Variants in ATL3 observed in about 807,000 individuals in gnomAD.
ATL3 encodes atlastin GTPase 3, also known as atlastin-3.
In ATL3, 49 loss-of-function variants were observed where a neutral mutation model predicts 69.5. The observed-to-expected ratio is 0.71, with a 90% confidence interval of 0.56 to 0.89. ATL3 has a LOEUF of 0.89. ATL3 is among the 40% of genes least tolerant of loss of function. ATL3 has a pLI of 0.00. For synonymous variants in ATL3, 214 were observed against 224.1 expected, an observed-to-expected ratio of 0.95 and a Z score of 0.40; for missense variants, 606 against 645.7, an observed-to-expected ratio of 0.94 and a Z score of 0.67.
intron 5 of ATL3, among the ~76,000 whole-genome samples, chr11:63,651,246 A>G (rs937135485): frequency 2.0e-4 from 30 of 151,984 alleles, no homozygotes; most frequent in African/African-American, 6.3e-4. Flanking sequence ...CACGAGGTCA[A>G]CAATTTGAGA....
intron 3 of ATL3, among the ~76,000 whole-genome samples, chr11:63,658,425 A>G (rs1348711789): frequency 6.6e-6 from 1 of 152,242 alleles, no homozygotes; most frequent in East Asian, 1.9e-4. Flanking sequence ...GCCCTAAGGA[A>G]TACTACATAA....
chr11:63,651,283 C>T (rs897272783), intron 5 of ATL3, among the ~76,000 whole-genome samples: 12 of 152,070 alleles, frequency 7.9e-5, no homozygotes, highest in African/African-American at 1.2e-4. Context: ...GGTGAAACCC[C>T]GTCTCTATTA....
At position 63,636,245 on chromosome 11, in the gene ATL3, A is replaced by G. The variant is rs762851508; in HGVS notation, c.940T>C (p.Ser314Pro). 49 of 1,614,020 alleles carry G rather than the reference A, an allele frequency of 3.0e-5. No individual in the cohort carries two copies. The African/African-American group carries it at 3.3e-4, about 11-fold the overall frequency. The change falls in exon 9 of 13, where the codon TCA becomes CCA. Residue 314 changes from serine to proline, a missense_variant. Coordinates refer to ENST00000398868, the MANE Select transcript of ATL3 (RefSeq NM_015459.5). The part of the protein sequence containing the change: ...SKLMEKEING[S>P]KVTCRGLLEY... The stretch of plus-strand genomic sequence containing the variant: ...AGTAGTCCCCGACAGGTGACCTTTG[A>G]GCCATTGATCTCCTTTTCCATTAAC...
chr11:63,666,821 C>T (rs1940586612), intron 1 of ATL3, among the ~76,000 whole-genome samples: 1 of 152,074 alleles, frequency 6.6e-6, no homozygotes, highest in Admixed American at 6.5e-5. Context: ...AATTATTTTC[C>T]AAGGTCTAAT....
rs1197867631 is a variant in ATL3 at position 63,659,219 on chromosome 11, A to C, written c.80T>G (p.Val27Gly). 1.2e-6 allele frequency: 2 copies of C among 1,614,192 alleles called. No homozygotes were observed. The highest frequency in any genetic ancestry group is 2.2e-5 in the South Asian group (2 of 91,084). Residue 27 changes from valine (V) to glycine (G), a missense_variant, in exon 2 of 13, where the codon GTG (valine) becomes GGG (glycine). By Grantham distance (109) the Val-to-Gly change is moderately radical. Coordinates refer to ENST00000398868, the MANE Select transcript of ATL3 (RefSeq NM_015459.5). ...ATCTTTCTGAACCAAAACAACCTGC[A>C]CTGGACCAGGCTTGCTGCTCTCCAT... Reference protein sequence around the residue: ...DAMESSKPGPVQVVLVQKDQH... With the variant: ...DAMESSKPGPGQVVLVQKDQH...
chr11:63,659,181 C>CA lies in ATL3; in HGVS notation c.117dup (p.Glu40Ter). ...CTGGCCAAGGCTTTCTCATCTAGCT[C>CA]AAAGGAATGTTGATCTTTCTGAACC... On this transcript the variant is annotated frameshift_variant, in exon 2 of 13. Coordinates refer to ENST00000398868, the MANE Select transcript of ATL3 (RefSeq NM_015459.5). LOFTEE classifies it high-confidence loss of function. 6.2e-7 allele frequency: 1 copy of CA among 1,614,010 alleles called. No homozygotes were observed. Among genetic ancestry groups the CA allele is most frequent in the Non-Finnish European group, 8.5e-7 (1 of 1,180,014 alleles).
chr11:63,631,078 C>G lies in ATL3; in HGVS notation c.1501G>C (p.Gly501Arg). Residue 501 changes from glycine to arginine, a missense_variant, in exon 12 of 13, where the codon GGA becomes CGA. Coordinates refer to ENST00000398868, the MANE Select transcript of ATL3 (RefSeq NM_015459.5). ...TATGCGGCACCAAAATCAATAGCTCCGCCCAGCTCACGATATTGACCAGAA... is the reference window on the plus strand; with the variant it reads ...TATGCGGCACCAAAATCAATAGCTCGGCCCAGCTCACGATATTGACCAGAA... ...RYSGQYRELG[G>R]AIDFGAAYVL... 6.2e-7 allele frequency: 1 copy of G among 1,613,802 alleles called. No homozygotes were observed. The highest frequency in any genetic ancestry group is 1.1e-5 in the South Asian group (1 of 91,028).
intron 1 of ATL3, among the ~76,000 whole-genome samples, chr11:63,662,167 C>A (rs539488244): frequency 2.4e-4 from 35 of 146,350 alleles, no homozygotes; most frequent in African/African-American, 7.6e-4. Flanking sequence ...GAGCCAAGAC[C>A]GTGCCACTGC....
chr11:63,651,997 A>G lies in ATL3; in HGVS notation c.511-11T>C, dbSNP rs499942. On this transcript the variant is annotated splice_polypyrimidine_tract_variant and intron_variant, in intron 4 of 12. Coordinates refer to ENST00000398868, the MANE Select transcript of ATL3 (RefSeq NM_015459.5). ...AGATAAATTATAAATCTAGAAAACA[A>G]AAATCCAGATTGATACTACTCTGGC... The G allele has an allele frequency of 1.6e-3, 2,485 of 1,601,958 alleles. 28 individuals are homozygous for G. In the African/African-American group the frequency reaches 0.03, roughly 20 times the overall value.
intron 8 of ATL3, among the ~76,000 whole-genome samples, chr11:63,639,991 C>T (rs987353687): frequency 2.6e-5 from 4 of 151,858 alleles, no homozygotes; most frequent in African/African-American, 4.8e-5. Flanking sequence ...TACAATGGCG[C>T]GATCTCAGCT....
At chr11:63,656,686 A>G (rs567123058) in intron 3 of ATL3, among the ~76,000 whole-genome samples, 13 of 150,862 alleles carry the variant, frequency 8.6e-5, no homozygotes, top group Non-Finnish European at 1.5e-4. Context: ...GTGAGCCGAG[A>G]TCGCACCACT....
Position 63,644,367 on chromosome 11 carries a change from A to AAATAC in ATL3, c.619-107_619-106insGTATT. ...ATGCCAGCTTCTACAAAGGGGGTAA[A>AAATAC]GTAGAAGGATTTACCTTTTTTTTTT... On this transcript the variant is annotated intron_variant, in intron 6 of 12. Coordinates refer to ENST00000398868, the MANE Select transcript of ATL3 (RefSeq NM_015459.5). 6 of 596,604 alleles carry AAATAC rather than the reference A, an allele frequency of 1.0e-5. 1 individual carries two copies. Among genetic ancestry groups the AAATAC allele is most frequent in the African/African-American group, 2.5e-5 (1 of 40,596 alleles). 37.0% of individuals were successfully genotyped at this position (596,604 alleles called of 1,614,324 possible).
chr11:63,652,056 G>C, intron 4 of ATL3, 70 bp from the exon 5 acceptor site: 2 of 1,543,822 alleles, frequency 1.3e-6, no homozygotes, highest in Non-Finnish European at 1.7e-6. Context: ...AGCCTAAAGG[G>C]CTGACAGAAG....
chr11:63,662,069 C>T (rs534888835), intron 1 of ATL3, among the ~76,000 whole-genome samples: 36 of 151,612 alleles, frequency 2.4e-4, no homozygotes, highest in Non-Finnish European at 4.4e-4. Context: ...AAAAATTAGC[C>T]GGGCGTGGTG....
At chr11:63,665,761 G>A (rs1440392739) in intron 1 of ATL3, among the ~76,000 whole-genome samples, 4 of 151,488 alleles carry the variant, frequency 2.6e-5, no homozygotes, top group Non-Finnish European at 4.4e-5. Flanking sequence ...TGGTGGTAAC[G>A]CGCCTGTAAT....
In ATL3 at chr11:63,647,280, G is replaced by A. The variant is rs189906994; in HGVS notation, c.562-717C>T. Among the ~76,000 whole-genome samples, 17 of 152,116 alleles carry A rather than the reference G, an allele frequency of 1.1e-4. No individual in the cohort carries two copies. In the East Asian group the frequency reaches 2.9e-3, roughly 26 times the overall value. ...TGGCGCGTGGCTCATCGCAACCTCCGCCTCCCGGGTTCAAGCGATTCTCCT... is the reference window on the plus strand; with the variant it reads ...TGGCGCGTGGCTCATCGCAACCTCCACCTCCCGGGTTCAAGCGATTCTCCT... On this transcript the variant is annotated intron_variant, in intron 5 of 12. Transcript: ENST00000398868.
In ATL3 at chr11:63,638,084, A is replaced by G. The variant is rs77185310; in HGVS notation, c.851-1750T>C. On this transcript the variant is annotated intron_variant, in intron 8 of 12. Coordinates refer to ENST00000398868, the MANE Select transcript of ATL3 (RefSeq NM_015459.5). Reference sequence around the variant, plus strand: ...TGGAGTGTTTCAAAAAATACCTCACACAAGTAGCAGCAGGATCCAGATGCT... The same window carrying G: ...TGGAGTGTTTCAAAAAATACCTCACGCAAGTAGCAGCAGGATCCAGATGCT... Among the ~76,000 whole-genome samples the G allele has an allele frequency of 1.3e-3, 203 of 152,336 alleles. 3 individuals are homozygous for G. In the East Asian group the frequency reaches 0.035, roughly 26 times the overall value.
At chr11:63,641,104 AT>A (rs1939686847) in intron 8 of ATL3, among the ~76,000 whole-genome samples, 1 of 152,110 alleles carries the variant, frequency 6.6e-6, no homozygotes, top group Non-Finnish European at 1.5e-5. Context: ...TATAATGACC[AT>A]TTGTATTTCT....
intron 8 of ATL3, among the ~76,000 whole-genome samples, chr11:63,638,103 A>C (rs1032234216): frequency 5.9e-5 from 9 of 152,246 alleles, no homozygotes; most frequent in Non-Finnish European, 1.2e-4. Context: ...AGCAGGATCC[A>C]GATGCTACAC....
Sources: gnomAD v4.1 joint callset for allele counts (sites outside exome capture counted in the v4.1 genomes callset) on GRCh38, gnomAD v4.1.1 for gene constraint, MANE v1.5 for transcripts, NCBI Gene and HGNC (gene_info 2026-07-23, HGNC 2026-07-21) for gene names.